MTFR1: variants seen among roughly 807,000 people sequenced by gnomAD.
MTFR1 encodes mitochondrial fission regulator 1, also known as chondrocyte protein with a poly-proline region.
Under a neutral mutation model 38.8 loss-of-function variants are expected in MTFR1, and 28 were observed. That is an observed-to-expected ratio of 0.72 (90% CI 0.53 to 0.99). The LOEUF is 0.99. Ranked by LOEUF, MTFR1 falls within the 50% of genes least tolerant of loss-of-function variation. MTFR1 has a pLI of 0.00. For missense variants in MTFR1, 358 were observed against 395.5 expected (o/e 0.91, Z 0.81); for synonymous variants, 145 against 137.0 (o/e 1.06, Z -0.41).
chr8:65,763,541 G>A (rs1808614648), intron 3 of MTFR1, among the ~76,000 whole-genome samples: 1 of 149,878 alleles, frequency 6.7e-6, no homozygotes, highest in Non-Finnish European at 1.5e-5. Flanking sequence ...CTACAACCTG[G>A]GCAACAAGAG....
At chr8:65,667,245 C>G (rs1353660884) in intron 1 of MTFR1, among the ~76,000 whole-genome samples, 1 of 150,248 alleles carries the variant, frequency 6.7e-6, no homozygotes, top group Non-Finnish European at 1.5e-5. Context: ...CATTGTACTC[C>G]AGCCTGGGTG....
At chr8:65,695,680 A>T (rs189483944) in intron 4 of MTFR1, among the ~76,000 whole-genome samples, 22 of 152,288 alleles carry the variant, frequency 1.4e-4, no homozygotes, top group African/African-American at 4.8e-4. Flanking sequence ...ATATAGGAAA[A>T]CAGATTGTTT....
At chr8:65,750,648 T>C (rs1303584038) in intron 3 of MTFR1, among the ~76,000 whole-genome samples, 1 of 152,106 alleles carries the variant, frequency 6.6e-6, no homozygotes, top group Non-Finnish European at 1.5e-5. Context: ...GTCACCATGG[T>C]AGGATACATA....
chr8:65,663,809 T>C (rs905817322), intron 1 of MTFR1, among the ~76,000 whole-genome samples: 8 of 148,674 alleles, frequency 5.4e-5, no homozygotes, highest in African/African-American at 7.4e-5. Flanking sequence ...CCTTCTTTTT[T>C]TTAATTTCTT....
At chr8:65,718,114 T>C (rs559627144) in intron 2 of MTFR1, 1 of 152,352 alleles carries the variant, frequency 6.6e-6, no homozygotes, top group South Asian at 2.1e-4. Flanking sequence ...GCTATGTGCA[T>C]AGTTTAAGGC....
downstream of MTFR1, among the ~76,000 whole-genome samples, chr8:65,711,484 T>G (rs923823501): frequency 3.9e-5 from 6 of 152,142 alleles, no homozygotes; most frequent in African/African-American, 7.2e-5. Context: ...CCCAACAAAG[T>G]CAGCGCTGGG....
At chr8:65,725,303 G>GT (rs2129065885) in intron 3 of MTFR1, 1 of 157,768 alleles carries the variant, frequency 6.3e-6, no homozygotes, top group South Asian at 2.0e-4. Flanking sequence ...AACAACTTTG[G>GT]TTTGCTTTTT....
At chr8:65,770,181 T>C (rs1809015822) in intron 3 of MTFR1, among the ~76,000 whole-genome samples, 1 of 151,484 alleles carries the variant, frequency 6.6e-6, no homozygotes, top group South Asian at 2.1e-4. Flanking sequence ...TAATTCTTTT[T>C]TCTGAACATT....
At chr8:65,721,690 TC>T (rs1410830532) in intron 3 of MTFR1, 1 of 152,156 alleles carries the variant, frequency 6.6e-6, no homozygotes, top group Non-Finnish European at 1.5e-5. Flanking sequence ...TTGCAAGTTC[TC>T]CCATTAAGCA....
chr8:65,733,505 C>G (rs1023843372), intron 3 of MTFR1, among the ~76,000 whole-genome samples: 4 of 151,884 alleles, frequency 2.6e-5, no homozygotes, highest in Non-Finnish European at 4.4e-5. Context: ...CCTGTCTCTA[C>G]AAAAAATTTA....
chr8:65,729,293 GTT>G (rs1323193982), intron 3 of MTFR1, among the ~76,000 whole-genome samples: 1 of 143,618 alleles, frequency 7.0e-6, no homozygotes, highest in Non-Finnish European at 1.5e-5. Flanking sequence ...AAAGCTTACT[GTT>G]TTCACTGCCT....
chr8:65,698,038 G>A (rs919068968), intron 4 of MTFR1, among the ~76,000 whole-genome samples: 2 of 151,346 alleles, frequency 1.3e-5, no homozygotes, highest in African/African-American at 2.4e-5. Context: ...TTTATTGATC[G>A]TGCTTTTGGT....
downstream of MTFR1, among the ~76,000 whole-genome samples, chr8:65,711,537 T>A (rs896142938): frequency 6.6e-6 from 1 of 152,170 alleles, no homozygotes. Flanking sequence ...TCAATTGCAG[T>A]AGGTTCCTGT....
At chr8:65,674,329 A>T (rs1487082874) in intron 2 of MTFR1, among the ~76,000 whole-genome samples, 1 of 151,498 alleles carries the variant, frequency 6.6e-6, no homozygotes, top group Non-Finnish European at 1.5e-5. Flanking sequence ...TAAAGAAAAA[A>T]AGGCTGGCAC....
At chr8:65,678,014 CAAA>C (rs1328897906) in intron 2 of MTFR1, among the ~76,000 whole-genome samples, 17 of 78,358 alleles carry the variant, frequency 2.2e-4, no homozygotes, top group African/African-American at 1.4e-4. Context: ...GACTCTGTCT[CAAA>C]AAAAAAAAAA....
At chr8:65,753,303 G>A (rs915597700) in intron 3 of MTFR1, among the ~76,000 whole-genome samples, 1 of 152,192 alleles carries the variant, frequency 6.6e-6, no homozygotes, top group Non-Finnish European at 1.5e-5. Flanking sequence ...TCTTGGGAGA[G>A]AGCAGAGGAA....
chr8:65,710,922 GAAA>G (rs1195667902), downstream of MTFR1, among the ~76,000 whole-genome samples: 1 of 152,010 alleles, frequency 6.6e-6, no homozygotes, highest in Non-Finnish European at 1.5e-5. Flanking sequence ...CTAGGTATGA[GAAA>G]GAAAGGTAAC....
intron 4 of MTFR1, among the ~76,000 whole-genome samples, chr8:65,702,297 C>CTTTTTTTTTTTTTT (rs530863447): frequency 9.1e-6 from 1 of 110,272 alleles, no homozygotes; most frequent in African/African-American, 3.2e-5. Flanking sequence ...TTCTTTCTTT[C>CTTTTTTTTTTTTTT]TTTTTTTTTT....
At chr8:65,685,791 G>A (rs1005540011) in intron 3 of MTFR1, among the ~76,000 whole-genome samples, 1 of 152,186 alleles carries the variant, frequency 6.6e-6, no homozygotes, top group African/African-American at 2.4e-5. Context: ...TGTAATAAAT[G>A]CCATATAGTA....
Sources: allele counts gnomAD v4.1 joint callset (sites outside exome capture counted in the v4.1 genomes callset), GRCh38; gene constraint gnomAD v4.1.1; transcripts MANE v1.5; gene names NCBI Gene and HGNC (gene_info 2026-07-23, HGNC 2026-07-21).